Variants in TPD52 observed in about 807,000 individuals in gnomAD.
The protein encoded by TPD52 is prostate and colon associated protein.
In TPD52, 17 loss-of-function variants were observed where a neutral mutation model predicts 31.3. The observed-to-expected ratio is 0.54, with a 90% CI of 0.37 to 0.82. The LOEUF (loss-of-function observed/expected upper bound fraction) is 0.82, where lower values mean the gene tolerates loss of function less well. TPD52 is among the 40% of genes least tolerant of loss of function. The probability of loss-of-function intolerance (pLI) is 0.00; values close to 1 mark genes in which losing one functional copy is unlikely to be tolerated. For synonymous variants in TPD52, 83 were observed against 89.6 expected, an observed-to-expected ratio of 0.93 and a Z score of 0.42; for missense variants, 212 against 240.1, an observed-to-expected ratio of 0.88 and a Z score of 0.77.
In TPD52 at chr8:80,043,930, G is replaced by C. The variant is rs189622103; in HGVS notation, c.455+237C>G. ...GAACAGATTTCAGACAGGAAACAAA[G>C]GTTTTACAAAATAAAATAGAAATAA... On this transcript the variant is annotated intron_variant, in intron 6 of 7. Coordinates refer to ENST00000518937, the MANE Select transcript of TPD52 (RefSeq NM_001025253.3). Among the ~76,000 whole-genome samples the C allele has an allele frequency of 1.3e-3, 191 of 151,980 alleles. 1 individual carries two copies. The highest frequency in any genetic ancestry group is 4.6e-3 in the Admixed American group (70 of 15,254).
At chr8:80,055,175 T>C (rs1811747816) in intron 2 of TPD52, among the ~76,000 whole-genome samples, 1 of 152,150 alleles carries the variant, frequency 6.6e-6, no homozygotes, top group African/African-American at 2.4e-5. Context: ...CCTTAGCACT[T>C]CTCTGAGGTA....
chr8:80,154,962 T>TTTGG (rs80133644), intron 1 of TPD52, among the ~76,000 whole-genome samples: 12,098 of 151,480 alleles, frequency 0.08, 577 homozygotes, highest in South Asian at 0.2. Flanking sequence ...GTTTTGTTTG[T>TTTGG]TTGGTTGGTT....
At chr8:80,155,586 T>C (rs1810908104) in intron 1 of TPD52, among the ~76,000 whole-genome samples, 1 of 151,964 alleles carries the variant, frequency 6.6e-6, no homozygotes, top group African/African-American at 2.4e-5. Flanking sequence ...GTTACTGAGA[T>C]AGAAAATACG....
At chr8:80,140,099 C>T (rs1475590843) in intron 1 of TPD52, among the ~76,000 whole-genome samples, 1 of 152,224 alleles carries the variant, frequency 6.6e-6, no homozygotes, top group Admixed American at 6.5e-5. Flanking sequence ...CCAGCTGTGA[C>T]ACACAGACGC....
At chr8:80,147,969 T>C (rs919536573) in intron 1 of TPD52, among the ~76,000 whole-genome samples, 5 of 152,100 alleles carry the variant, frequency 3.3e-5, no homozygotes, top group Non-Finnish European at 5.9e-5. Context: ...AGTCAGGAAC[T>C]CACTTTAAAA....
chr8:80,126,769 C>A (rs986689845), intron 1 of TPD52, among the ~76,000 whole-genome samples: 2 of 152,042 alleles, frequency 1.3e-5, no homozygotes, highest in Non-Finnish European at 2.9e-5. Context: ...AAGCATGAGC[C>A]ACCACGCCCA....
rs538663554 is a variant in TPD52 at position 80,091,056 on chromosome 8, C to G, written c.20-26463G>C. Among the ~76,000 whole-genome samples, 16 of 152,346 alleles carry G rather than the reference C, an allele frequency of 1.1e-4. No homozygotes were observed. In the South Asian group the frequency reaches 3.1e-3, roughly 30 times the overall value. ...ATAAGCATAAGATGTCATTCCCTCT[C>G]TCAACCTATCTCCAAACATGTCGTC... On this transcript the variant is annotated intron_variant, in intron 1 of 7. Transcript: ENST00000518937.
At chr8:80,053,109 T>C (rs895585256) in intron 3 of TPD52, 173 bp downstream of exon 3, 71 of 594,388 alleles carry the variant, frequency 1.2e-4, no homozygotes, top group Middle Eastern at 4.2e-4. Context: ...TCTGGAAAAA[T>C]TGAAGTTACA....
intron 1 of TPD52, among the ~76,000 whole-genome samples, chr8:80,141,501 C>T (rs7835273): frequency 0.11 from 17,238 of 152,208 alleles, 1,999 homozygotes; most frequent in African/African-American, 0.29. Context: ...GAAGCAGATC[C>T]TCCAGCCCTG....
rs536196471 is a variant in TPD52 at position 80,038,250 on chromosome 8, C to T, written c.505-15G>A. 3 of 1,606,280 alleles carry T rather than the reference C, an allele frequency of 1.9e-6. No individual in the cohort carries two copies. In the East Asian group the frequency reaches 6.7e-5, roughly 36 times the overall value. ...CCTACTTTAGACTTAAAAAAAAGTT[C>T]AAAAAAGGGAAAGACATTATGAAAC... On this transcript the variant is annotated splice_polypyrimidine_tract_variant and intron_variant, in intron 7 of 7. Transcript: ENST00000518937.
chr8:80,139,849 C>T (rs1454876512), intron 1 of TPD52, among the ~76,000 whole-genome samples: 1 of 152,086 alleles, frequency 6.6e-6, no homozygotes, highest in East Asian at 1.9e-4. Context: ...AAATGGGGAG[C>T]CTGATGTTCG....
intron 3 of TPD52, among the ~76,000 whole-genome samples, chr8:80,052,332 C>A (rs528391976): frequency 3.3e-5 from 5 of 152,198 alleles, no homozygotes; most frequent in East Asian, 1.9e-4. Flanking sequence ...ACAACAACAA[C>A]AAAAAACAAA....
intron 1 of TPD52, among the ~76,000 whole-genome samples, chr8:80,164,968 A>G (rs1355903261): frequency 1.3e-5 from 2 of 151,508 alleles, no homozygotes; most frequent in East Asian, 1.9e-4. Context: ...AAATCACTAT[A>G]AAGTCAAAAA....
At chr8:80,059,064 A>G (rs1812213425) in intron 2 of TPD52, among the ~76,000 whole-genome samples, 1 of 152,220 alleles carries the variant, frequency 6.6e-6, no homozygotes. Flanking sequence ...AGTATACGTT[A>G]GGCAACAAAA....
intron 1 of TPD52, among the ~76,000 whole-genome samples, chr8:80,083,409 A>T (rs76086369): frequency 0.044 from 6,655 of 152,162 alleles, 503 homozygotes; most frequent in African/African-American, 0.15. Context: ...TTGTAATAAC[A>T]CCCACATGTC....
chr8:80,121,324 G>T (rs1323837345), intron 1 of TPD52, among the ~76,000 whole-genome samples: 3 of 152,056 alleles, frequency 2.0e-5, no homozygotes, highest in Non-Finnish European at 4.4e-5. Flanking sequence ...GATGTGACAG[G>T]AGCCCCCAGT....
chr8:80,052,629 A>G, intron 3 of TPD52: 2 of 1,288,846 alleles, frequency 1.6e-6, no homozygotes, highest in Non-Finnish European at 2.0e-6. Flanking sequence ...GGCTCTCAAT[A>G]CAGAAGACAG....
intron 1 of TPD52, among the ~76,000 whole-genome samples, chr8:80,065,299 C>CTATA (rs1427652724): frequency 2.0e-5 from 2 of 100,222 alleles, no homozygotes; most frequent in Admixed American, 1.0e-4. Context: ...CTATATCTAT[C>CTATA]TATCTATATA....
chr8:80,101,796 T>TC (rs576297747), intron 1 of TPD52, among the ~76,000 whole-genome samples: 3 of 151,406 alleles, frequency 2.0e-5, no homozygotes, highest in African/African-American at 7.3e-5. Context: ...TCATGAAGGA[T>TC]CCCCCCCATG....
Sources: gnomAD v4.1 joint callset for allele counts (sites outside exome capture counted in the v4.1 genomes callset) on GRCh38, gnomAD v4.1.1 for gene constraint, MANE v1.5 for transcripts, NCBI Gene and HGNC (gene_info 2026-07-23, HGNC 2026-07-21) for gene names.